The following MPP7 variants were observed in gnomAD, a reference collection of about 807,000 sequenced individuals.
MPP7 encodes the protein MAGUK p55 subfamily member 7.
Under a neutral mutation model 76.5 loss-of-function variants are expected in MPP7, and 60 were observed. That is an observed-to-expected ratio of 0.78 (90% CI 0.64 to 0.97). The LOEUF is 0.97. Among genes scored for constraint, MPP7 ranks in the 50% least tolerant of loss-of-function variants. MPP7 has a pLI of 0.00. For synonymous variants in MPP7, 237 were observed against 244.5 expected (o/e 0.97, Z 0.29); for missense variants, 641 against 694.0 (o/e 0.92, Z 0.86).
intron 11 of MPP7, among the ~76,000 whole-genome samples, chr10:28,102,476 C>A (rs1455264599): frequency 3.9e-5 from 6 of 152,112 alleles, no homozygotes; most frequent in Admixed American, 6.5e-5. Context: ...TACTTTCACA[C>A]CAGTGATAGC....
chr10:28,153,123 G>A (rs1408644379), intron 3 of MPP7, among the ~76,000 whole-genome samples: 2 of 151,998 alleles, frequency 1.3e-5, no homozygotes, highest in South Asian at 2.1e-4. Flanking sequence ...CCATGATGGC[G>A]CATACCTATA....
At chr10:28,331,666 C>T (rs1834470821) in intron 1 of MPP7, among the ~76,000 whole-genome samples, 1 of 152,126 alleles carries the variant, frequency 6.6e-6, no homozygotes, top group Admixed American at 6.5e-5. Flanking sequence ...GCTCCACCTC[C>T]AGGGTTCAAG....
At chr10:28,309,812 A>G (rs1841279143) in intron 2 of MPP7, among the ~76,000 whole-genome samples, 1 of 151,800 alleles carries the variant, frequency 6.6e-6, no homozygotes, top group Non-Finnish European at 1.5e-5. Flanking sequence ...CTGGTTGAGT[A>G]AAGTGTGTGG....
At chr10:28,207,380 A>C (rs1837982065) in intron 2 of MPP7, among the ~76,000 whole-genome samples, 1 of 152,160 alleles carries the variant, frequency 6.6e-6, no homozygotes, top group Non-Finnish European at 1.5e-5. Context: ...TAAAGATGAG[A>C]CCAATCATTG....
chr10:28,179,483 T>C (rs1029775621), intron 3 of MPP7, among the ~76,000 whole-genome samples: 3 of 152,220 alleles, frequency 2.0e-5, no homozygotes, highest in African/African-American at 7.2e-5. Context: ...ATGAGCCATA[T>C]AATAAAATTA....
chr10:28,246,976 C>T (rs1235515034), intron 1 of MPP7, among the ~76,000 whole-genome samples: 1 of 152,182 alleles, frequency 6.6e-6, no homozygotes, highest in Non-Finnish European at 1.5e-5. Flanking sequence ...GATGGATATA[C>T]AGCAGCAGCA....
intron 1 of MPP7, among the ~76,000 whole-genome samples, chr10:28,283,127 T>C (rs1284568365): frequency 1.3e-5 from 2 of 151,862 alleles, no homozygotes; most frequent in Non-Finnish European, 2.9e-5. Context: ...CTGGCCAAAA[T>C]AGGTGAAACT....
At chr10:28,176,614 G>A (rs887954851) in intron 3 of MPP7, among the ~76,000 whole-genome samples, 2 of 151,866 alleles carry the variant, frequency 1.3e-5, no homozygotes, top group Non-Finnish European at 2.9e-5. Context: ...GCACATGCCT[G>A]TAATCCCAGC....
At chr10:28,245,887 A>G (rs1301165496) in intron 1 of MPP7, among the ~76,000 whole-genome samples, 1 of 144,070 alleles carries the variant, frequency 6.9e-6, no homozygotes, top group South Asian at 2.7e-4. Flanking sequence ...GACTTGATCA[A>G]GCAGAAAAAA....
intron 3 of MPP7, among the ~76,000 whole-genome samples, chr10:28,188,457 A>C (rs1426468953): frequency 6.6e-6 from 1 of 152,106 alleles, no homozygotes; most frequent in Non-Finnish European, 1.5e-5. Context: ...CATGATATGT[A>C]CTCCTGTGCT....
At chr10:28,278,796 G>A (rs185665321) in intron 1 of MPP7, among the ~76,000 whole-genome samples, 16 of 148,864 alleles carry the variant, frequency 1.1e-4, no homozygotes, top group African/African-American at 3.5e-4. Flanking sequence ...AACGTTATCC[G>A]TAACATTTCA....
At chr10:28,113,714 T>C (rs1383388315) in intron 11 of MPP7, among the ~76,000 whole-genome samples, 1 of 151,948 alleles carries the variant, frequency 6.6e-6, no homozygotes, top group African/African-American at 2.4e-5. Context: ...GCTCAAGAAC[T>C]AATTAGAAAG....
chr10:28,313,864 TTTATTTTTTTTA>T (rs376382791), intron 2 of MPP7, among the ~76,000 whole-genome samples: 14,329 of 44,616 alleles, frequency 0.32, 2,021 homozygotes, highest in South Asian at 0.58. Context: ...TTTTTTTTTT[TTTATTTTTTTTA>T]TTTTTTTTTG....
At position 28,315,339 on chromosome 10, in the gene MPP7, AG is replaced by A. The variant is rs1325843596; in HGVS notation, c.-132+14589del. ...AGGAAGGAAAGAGAGGGAAAGAAGG[AG>A]GGAGGGAAGGAGGGAGGAAGGAGGG... On this transcript the variant is annotated intron_variant, in intron 2 of 11. Transcript: ENST00000441595. Among the ~76,000 whole-genome samples, 3 of 134,454 alleles carry A rather than the reference AG, an allele frequency of 2.2e-5. No individual in the cohort carries two copies. The East Asian group carries it at 7.5e-4, about 34-fold the overall frequency. 88.2% of individuals were successfully genotyped at this position (134,454 alleles called of 152,430 possible).
chr10:28,309,075 G>A (rs1230348798), intron 2 of MPP7, among the ~76,000 whole-genome samples: 1 of 152,068 alleles, frequency 6.6e-6, no homozygotes, highest in African/African-American at 2.4e-5. Context: ...AGAGATGTGG[G>A]GACCCAGCAT....
chr10:28,119,652 T>G lies in MPP7; in HGVS notation c.951A>C (p.Ser317=). 1.2e-6 allele frequency: 2 copies of G among 1,612,890 alleles called. No homozygotes were observed. Among genetic ancestry groups the G allele is most frequent in the Non-Finnish European group, 1.7e-6 (2 of 1,179,002 alleles). Residue 317 remains serine (S), a splice_region_variant and synonymous_variant, in exon 11 of 17, where the codon TCA becomes TCC. Transcript: ENST00000683449. ...CTGCATTCTTATTAACAAACTTACA[T>G]GATTTCCTGTTGGAAACTTTCAGGG... ...VQPLKVSNRK[S]SGFRKSFRLS... is the part of the protein sequence containing the mutation.
rs1342735285 is a variant in MPP7, at chr10:28,276,765, AAT to A, written c.-132+26094_-132+26095del. 2.6e-5 allele frequency among the ~76,000 whole-genome samples: 4 copies of A among 152,226 alleles called. No individual in the cohort carries two copies. In the East Asian group the frequency reaches 7.7e-4, roughly 29 times the overall value. ...TTATGTTTGGAAAAGTTTAAAGCTG[AAT>A]ATTTTGAGAACAGCACAATGTGAAG... On this transcript the variant is annotated intron_variant, in intron 1 of 16. Coordinates refer to ENST00000683449, the MANE Select transcript of MPP7 (RefSeq NM_001318170.2).
intron 3 of MPP7, among the ~76,000 whole-genome samples, chr10:28,178,681 A>G (rs147685346): frequency 6.6e-6 from 1 of 152,252 alleles, no homozygotes; most frequent in African/African-American, 2.4e-5. Context: ...GTAAAGATTA[A>G]TATCTATCTA....
intron 2 of MPP7, among the ~76,000 whole-genome samples, chr10:28,309,385 G>A (rs1429262838): frequency 6.8e-6 from 1 of 147,984 alleles, no homozygotes; most frequent in African/African-American, 2.5e-5. Flanking sequence ...CTCTACTCCA[G>A]CCTGGGCAAC....
Sources: gnomAD v4.1 joint callset for allele counts (sites outside exome capture counted in the v4.1 genomes callset) on GRCh38, gnomAD v4.1.1 for gene constraint, MANE v1.5 for transcripts, NCBI Gene and HGNC (gene_info 2026-07-23, HGNC 2026-07-21) for gene names.